Variants in PCCB observed in about 807,000 individuals in gnomAD.
PCCB encodes propionyl-CoA carboxylase subunit beta, also known as propionyl-CoA carboxylase beta chain, mitochondrial.
Under a neutral mutation model 60.7 loss-of-function variants are expected in PCCB, and 43 were observed. That is an observed-to-expected ratio of 0.71 (90% CI 0.55 to 0.91). The LOEUF (loss-of-function observed/expected upper bound fraction) is 0.91. Ranked by LOEUF, PCCB falls within the 40% of genes least tolerant of loss-of-function variation. The probability of loss-of-function intolerance (pLI) is 0.00; values close to 1 mark genes in which losing one functional copy is unlikely to be tolerated. For synonymous variants in PCCB, 276 were observed against 255.9 expected, an observed-to-expected ratio of 1.08 and a Z score of -0.75; for missense variants, 766 against 702.8, an observed-to-expected ratio of 1.09 and a Z score of -1.02.
chr3:136,280,345 A>G (rs1240702339), intron 5 of PCCB, among the ~76,000 whole-genome samples: 8 of 152,056 alleles, frequency 5.3e-5, no homozygotes, highest in African/African-American at 1.2e-4. Flanking sequence ...TTTTGTTTCA[A>G]TACTTCTTTT....
chr3:136,268,120 A>ATATATATG (rs1942082848), intron 5 of PCCB, among the ~76,000 whole-genome samples: 3 of 124,092 alleles, frequency 2.4e-5, no homozygotes, highest in African/African-American at 1.0e-4. Flanking sequence ...ATATATATAT[A>ATATATATG]TGTATATATA....
intron 10 of PCCB, among the ~76,000 whole-genome samples, chr3:136,324,124 T>C (rs1020373656): frequency 1.3e-5 from 2 of 152,146 alleles, no homozygotes; most frequent in Non-Finnish European, 2.9e-5. Flanking sequence ...TTTCTTTCTT[T>C]CTTTTGAGAC....
chr3:136,317,209 C>G (rs1576353101), intron 10 of PCCB, 145 bp downstream of exon 10: 1 of 330,732 alleles, frequency 3.0e-6, no homozygotes, highest in South Asian at 4.3e-5. Context: ...GTTATAAAAG[C>G]TAATTTTTTT....
At chr3:136,323,566 C>A (rs541729146) in intron 10 of PCCB, among the ~76,000 whole-genome samples, 4 of 152,198 alleles carry the variant, frequency 2.6e-5, no homozygotes, top group Middle Eastern at 3.4e-3. Flanking sequence ...GGCAGATCAC[C>A]TGAGGTCAAG....
intron 5 of PCCB, among the ~76,000 whole-genome samples, chr3:136,268,551 C>T (rs1942100182): frequency 6.6e-6 from 1 of 151,502 alleles, no homozygotes; most frequent in South Asian, 2.1e-4. Context: ...GCAACCTCCA[C>T]CTCCTGGGTT....
intron 1 of PCCB, among the ~76,000 whole-genome samples, chr3:136,253,082 G>GATTTTTTTTTTTTTTTT (rs1941562687): frequency 4.2e-5 from 3 of 71,500 alleles, no homozygotes; most frequent in Non-Finnish European, 4.9e-5. Context: ...AGCAATGGAG[G>GATTTTTTTTTTTTTTTT]TTTTTTTTTT....
intron 9 of PCCB, among the ~76,000 whole-genome samples, 153 bp from the exon 10 acceptor site, chr3:136,316,788 C>T (rs1328529917): frequency 2.0e-5 from 3 of 152,216 alleles, no homozygotes; most frequent in Non-Finnish European, 4.4e-5. Context: ...CTGCCTCTGC[C>T]TGTTGTCCTG....
intron 7 of PCCB, 112 bp downstream of exon 7, chr3:136,293,976 G>C (rs1933820619): frequency 1.4e-6 from 1 of 723,676 alleles, no homozygotes; most frequent in East Asian, 2.6e-5. Context: ...GACCTTATTT[G>C]GGAAGACTGT....
chr3:136,252,533 T>TC (rs1941546127), intron 1 of PCCB: 3 of 328,006 alleles, frequency 9.1e-6, no homozygotes, highest in East Asian at 2.0e-4. Flanking sequence ...AGAATTTTTT[T>TC]TTTTTTTTCC....
In PCCB at chr3:136,303,959, T is replaced by C. The variant is rs147151856; in HGVS notation, c.966+2848T>C. Among the ~76,000 whole-genome samples the C allele has an allele frequency of 4.1e-5, 5 of 121,102 alleles. 1 individual carries two copies. The highest frequency in any genetic ancestry group is 9.2e-5 in the Non-Finnish European group (5 of 54,540). 79.4% of individuals were successfully genotyped at this position (121,102 alleles called of 152,430 possible). A position where few individuals can be genotyped will look rare whatever the true frequency, so the allele number is the denominator to read the frequency against. ...GCTGCCATAAGAAAATACCATAAAC[T>C]GCATAGCTTAAACAACAGAAATTTA... On this transcript the variant is annotated intron_variant, in intron 9 of 14. Coordinates refer to ENST00000251654, the MANE Select transcript of PCCB (RefSeq NM_000532.5).
intron 9 of PCCB, among the ~76,000 whole-genome samples, chr3:136,311,205 G>T (rs145892379): frequency 6.6e-6 from 1 of 152,242 alleles, no homozygotes; most frequent in East Asian, 1.9e-4. Context: ...AACAATACTT[G>T]AGGAACAGGA....
chr3:136,301,903 A>C (rs528063109), intron 9 of PCCB, among the ~76,000 whole-genome samples: 1 of 152,146 alleles, frequency 6.6e-6, no homozygotes, highest in Non-Finnish European at 1.5e-5. Context: ...TTTTCCCTGC[A>C]TATGCAGTTG....
chr3:136,292,375 A>G (rs1933734280), intron 6 of PCCB, among the ~76,000 whole-genome samples: 2 of 152,198 alleles, frequency 1.3e-5, no homozygotes, highest in African/African-American at 4.8e-5. Context: ...AAAGACTGAT[A>G]TAATGCATAT....
chr3:136,323,546 G>A (rs1194045148), intron 10 of PCCB, among the ~76,000 whole-genome samples: 1 of 152,108 alleles, frequency 6.6e-6, no homozygotes, highest in African/African-American at 2.4e-5. Flanking sequence ...CACTTTGAGA[G>A]GCCAAGGTGG....
intron 6 of PCCB, among the ~76,000 whole-genome samples, chr3:136,286,442 C>T (rs1933413019): frequency 6.6e-6 from 1 of 152,152 alleles, no homozygotes; most frequent in Non-Finnish European, 1.5e-5. Context: ...TCAAACTTAA[C>T]AGGTTTTGAT....
chr3:136,322,235 T>G (rs993519342), intron 10 of PCCB, among the ~76,000 whole-genome samples: 1 of 152,212 alleles, frequency 6.6e-6, no homozygotes, highest in East Asian at 1.9e-4. Context: ...TTTTTCTTCT[T>G]TAGACTGTTG....
intron 5 of PCCB, among the ~76,000 whole-genome samples, chr3:136,273,957 T>C (rs1942275623): frequency 6.6e-6 from 1 of 150,788 alleles, no homozygotes; most frequent in Admixed American, 6.6e-5. Flanking sequence ...TTCTGCTTGC[T>C]TTTGGTTCCC....
At chr3:136,269,744 G>A (rs1181803374) in intron 5 of PCCB, among the ~76,000 whole-genome samples, 3 of 152,126 alleles carry the variant, frequency 2.0e-5, no homozygotes, top group South Asian at 4.2e-4. Context: ...AAATTAGCCG[G>A]GTGTGGTGGC....
chr3:136,324,589 C>G (rs1935230612), intron 10 of PCCB, among the ~76,000 whole-genome samples: 2 of 152,130 alleles, frequency 1.3e-5, no homozygotes, highest in Admixed American at 1.3e-4. Flanking sequence ...TTCCTAAAGA[C>G]ACTCTCTGTT....
Sources: allele counts gnomAD v4.1 joint callset (sites outside exome capture counted in the v4.1 genomes callset), GRCh38; gene constraint gnomAD v4.1.1; transcripts MANE v1.5; gene names NCBI Gene and HGNC (gene_info 2026-07-23, HGNC 2026-07-21).